LINGO2: variants seen among roughly 807,000 people sequenced by gnomAD.
LINGO2 encodes leucine-rich repeat and immunoglobulin-like domain-containing nogo receptor-interacting protein 2.
A neutral mutation model predicts 30.6 loss-of-function variants in LINGO2; 14 were observed. The ratio of observed to expected loss-of-function variants is 0.46; its 90% CI spans 0.30 to 0.72. The LOEUF is 0.72. Ranked by LOEUF, LINGO2 falls within the 30% of genes least tolerant of loss-of-function variation. LINGO2 has a pLI of 0.07. For missense variants in LINGO2, 729 were observed against 751.7 expected, an observed-to-expected ratio of 0.97 and a Z score of 0.35; for synonymous variants, 317 against 288.5, an observed-to-expected ratio of 1.10 and a Z score of -1.00.
intron 5 of LINGO2, among the ~76,000 whole-genome samples, chr9:27,977,649 G>T (rs1417690323): frequency 6.6e-6 from 1 of 151,848 alleles, no homozygotes; most frequent in Non-Finnish European, 1.5e-5. Context: ...CTATACACAT[G>T]TTAAATATTT....
At chr9:28,647,063 C>T (rs1366338693) in intron 1 of LINGO2, among the ~76,000 whole-genome samples, 1 of 152,106 alleles carries the variant, frequency 6.6e-6, no homozygotes, top group Non-Finnish European at 1.5e-5. Context: ...ACAGGTATCC[C>T]TTTCTCACTG....
At chr9:28,107,180 T>C (rs1209869561) in intron 4 of LINGO2, among the ~76,000 whole-genome samples, 1 of 152,182 alleles carries the variant, frequency 6.6e-6, no homozygotes, top group African/African-American at 2.4e-5. Flanking sequence ...AACAGAAGTA[T>C]GTCTTTAGAT....
At chr9:28,199,344 C>CTTCTTCTTTTT in intron 4 of LINGO2, among the ~76,000 whole-genome samples, 1 of 117,660 alleles carries the variant, frequency 8.5e-6, no homozygotes, top group Non-Finnish European at 1.8e-5. Flanking sequence ...TCTTCTTCTT[C>CTTCTTCTTTTT]TTTTTTTTTT....
intron 4 of LINGO2, among the ~76,000 whole-genome samples, chr9:28,040,760 A>C (rs1824164529): frequency 9.9e-6 from 1 of 100,736 alleles, no homozygotes; most frequent in African/African-American, 3.8e-5. Context: ...CAGATAATTT[A>C]ACTGACTTTT....
At chr9:28,571,232 A>G (rs1315778437) in intron 1 of LINGO2, among the ~76,000 whole-genome samples, 52 of 151,994 alleles carry the variant, frequency 3.4e-4, no homozygotes, top group Admixed American at 3.4e-3. Context: ...AAAGCCTTAT[A>G]TGTAAACCAG....
chr9:28,552,233 T>C (rs543292854), intron 1 of LINGO2, among the ~76,000 whole-genome samples: 1 of 152,182 alleles, frequency 6.6e-6, no homozygotes, highest in Admixed American at 6.6e-5. Flanking sequence ...CACCTTGTGA[T>C]GGGTGATTCC....
the LINGO2 span, among the ~76,000 whole-genome samples, chr9:29,056,696 T>C: frequency 1.3e-4 from 20 of 152,330 alleles, no homozygotes; most frequent in African/African-American, 4.8e-4. Context: ...TCCAATGTTA[T>C]CTTTCAGGAT....
chr9:28,375,223 T>C (rs1821082498), intron 2 of LINGO2, among the ~76,000 whole-genome samples: 1 of 152,150 alleles, frequency 6.6e-6, no homozygotes, highest in Non-Finnish European at 1.5e-5. Flanking sequence ...TGATTTTCCA[T>C]ACCTGAAAAT....
chr9:28,203,320 A>G (rs939642287), intron 4 of LINGO2, among the ~76,000 whole-genome samples: 5 of 152,200 alleles, frequency 3.3e-5, no homozygotes, highest in Non-Finnish European at 7.3e-5. Flanking sequence ...TGTTGCTAAC[A>G]GTCAAGGGAG....
intron 4 of LINGO2, among the ~76,000 whole-genome samples, chr9:28,068,511 A>G (rs1407448288): frequency 1.3e-5 from 2 of 152,208 alleles, no homozygotes; most frequent in Non-Finnish European, 2.9e-5. Context: ...GCTTCAATAT[A>G]TAAATTTTGG....
the LINGO2 span, among the ~76,000 whole-genome samples, chr9:29,113,013 T>C: frequency 6.6e-6 from 1 of 152,198 alleles, no homozygotes; most frequent in African/African-American, 2.4e-5. Context: ...AGGAAAGCAG[T>C]AAAAGCTCTT....
the LINGO2 span, among the ~76,000 whole-genome samples, chr9:29,079,645 C>T: frequency 6.6e-6 from 1 of 151,852 alleles, no homozygotes; most frequent in Non-Finnish European, 1.5e-5. Flanking sequence ...GAAATCCTTG[C>T]CTTTATCTTA....
intron 2 of LINGO2, among the ~76,000 whole-genome samples, chr9:28,443,794 C>T (rs1265602705): frequency 4.6e-5 from 7 of 152,124 alleles, no homozygotes; most frequent in Admixed American, 2.0e-4. Flanking sequence ...ACAAACAGCA[C>T]GTTGATGGTG....
intron 4 of LINGO2, among the ~76,000 whole-genome samples, chr9:28,294,730 A>G (rs1463714906): frequency 6.6e-6 from 1 of 152,216 alleles, no homozygotes; most frequent in East Asian, 1.9e-4. Flanking sequence ...ATTTGGAATG[A>G]TAAATACTTT....
At chr9:28,605,523 T>C (rs1242632656) in intron 1 of LINGO2, among the ~76,000 whole-genome samples, 1 of 152,044 alleles carries the variant, frequency 6.6e-6, no homozygotes, top group South Asian at 2.1e-4. Context: ...ATAAATATTG[T>C]ATATCTCTCA....
chr9:28,947,182 T>C, the LINGO2 span, among the ~76,000 whole-genome samples: 1 of 152,012 alleles, frequency 6.6e-6, no homozygotes, highest in East Asian at 1.9e-4. Flanking sequence ...TCTACATCTA[T>C]ATAGATATAG....
chr9:29,136,972 A>G, the LINGO2 span, among the ~76,000 whole-genome samples: 1 of 152,166 alleles, frequency 6.6e-6, no homozygotes, highest in South Asian at 2.1e-4. Flanking sequence ...TCTATCCTAC[A>G]ATTCCAATTA....
intron 2 of LINGO2, among the ~76,000 whole-genome samples, chr9:28,471,635 C>T (rs1825524167): frequency 6.6e-6 from 1 of 152,108 alleles, no homozygotes; most frequent in Non-Finnish European, 1.5e-5. Flanking sequence ...CCCAACAGAA[C>T]AGCTAAAACA....
At chr9:28,857,090 A>C in the LINGO2 span, among the ~76,000 whole-genome samples, 4 of 152,130 alleles carry the variant, frequency 2.6e-5, no homozygotes, top group Admixed American at 2.6e-4. Context: ...GTAGATTTTG[A>C]GATACGTTTG....
Sources: allele counts gnomAD v4.1 joint callset (sites outside exome capture counted in the v4.1 genomes callset), GRCh38; gene constraint gnomAD v4.1.1; transcripts MANE v1.5; gene names NCBI Gene and HGNC (gene_info 2026-07-23, HGNC 2026-07-21).